Variants in KLF12 observed in about 807,000 individuals in gnomAD.
The protein encoded by KLF12 is Krueppel-like factor 12.
KLF12 carries 9 observed loss-of-function variants against 37.8 expected under a neutral mutation model. The ratio of observed to expected loss-of-function variants is 0.24; its 90% confidence interval spans 0.14 to 0.42. The LOEUF (loss-of-function observed/expected upper bound fraction) is 0.42, where lower values mean the gene tolerates loss of function less well. KLF12 is among the 10% of genes least tolerant of loss of function. The probability of loss-of-function intolerance (pLI) is 1.00; values close to 1 mark genes in which losing one functional copy is unlikely to be tolerated. For synonymous variants in KLF12, 208 were observed against 202.1 expected (o/e 1.03, Z -0.25); for missense variants, 411 against 516.0 (o/e 0.80, Z 1.97).
intron 2 of KLF12, among the ~76,000 whole-genome samples, chr13:73,962,377 A>T (rs1179349391): frequency 6.6e-6 from 1 of 152,184 alleles, no homozygotes; most frequent in Non-Finnish European, 1.5e-5. Flanking sequence ...TAGAACAATA[A>T]AACTATTTTT....
At chr13:73,868,905 T>C (rs1566428216) in intron 3 of KLF12, among the ~76,000 whole-genome samples, 1 of 152,200 alleles carries the variant, frequency 6.6e-6, no homozygotes, top group Non-Finnish European at 1.5e-5. Flanking sequence ...AAAACCTGCC[T>C]AAATTTACAA....
intron 1 of KLF12, among the ~76,000 whole-genome samples, chr13:74,024,916 A>G (rs1397211613): frequency 1.3e-5 from 2 of 152,106 alleles, no homozygotes; most frequent in South Asian, 2.1e-4. Flanking sequence ...TCAAACTTTA[A>G]CCACCCACTG....
the KLF12 span, among the ~76,000 whole-genome samples, chr13:74,236,020 G>T: frequency 6.7e-6 from 1 of 148,614 alleles, no homozygotes; most frequent in African/African-American, 2.5e-5. Context: ...ATGTATACAT[G>T]TGCCATGCTG....
intron 1 of KLF12, among the ~76,000 whole-genome samples, chr13:74,003,566 C>T (rs1203921153): frequency 6.6e-6 from 1 of 152,088 alleles, no homozygotes; most frequent in Non-Finnish European, 1.5e-5. Context: ...ATTAGGCATG[C>T]TAAGTCAGGA....
At chr13:73,975,535 T>C (rs756569207) in intron 2 of KLF12, among the ~76,000 whole-genome samples, 1 of 152,240 alleles carries the variant, frequency 6.6e-6, no homozygotes, top group Non-Finnish European at 1.5e-5. Flanking sequence ...TCTCTTGTCC[T>C]ACTTTATTTC....
At chr13:73,836,750 T>C (rs978468392) in intron 4 of KLF12, among the ~76,000 whole-genome samples, 7 of 152,190 alleles carry the variant, frequency 4.6e-5, no homozygotes, top group South Asian at 2.1e-4. Flanking sequence ...CAAAATCCAA[T>C]ATGTAACATT....
Position 73,846,240 on chromosome 13 carries a change from A to C in KLF12, c.257T>G (p.Ile86Arg), listed in dbSNP as rs776166386. The C allele has an allele frequency of 1.2e-6, 2 of 1,614,140 alleles. No individual in the cohort carries two copies. Among genetic ancestry groups the C allele is most frequent in the Admixed American group, 1.7e-5 (1 of 60,016 alleles). Reference sequence around the variant, plus strand: ...AGTAGGGGACGTCCTGGCTTTGTTTATTGACAAGTCCACTGGCTCAGTTTG... The same window carrying C: ...AGTAGGGGACGTCCTGGCTTTGTTTCTTGACAAGTCCACTGGCTCAGTTTG... The change falls in exon 4 of 8, where the codon ATA becomes AGA. Residue 86 changes from isoleucine (I) to arginine (R), a missense_variant. This residue lies in a region of KLF12 where 351 missense variants were observed against 397.8 expected (regional missense o/e 0.88). Transcript: ENST00000377669.
At chr13:73,739,543 G>T (rs1877798397) in intron 6 of KLF12, among the ~76,000 whole-genome samples, 1 of 152,056 alleles carries the variant, frequency 6.6e-6, no homozygotes, top group African/African-American at 2.4e-5. Flanking sequence ...AAAAATTAAT[G>T]AGTATTATAT....
At chr13:74,261,866 G>T in the KLF12 span, among the ~76,000 whole-genome samples, 3 of 152,312 alleles carry the variant, frequency 2.0e-5, no homozygotes, top group East Asian at 5.8e-4. Context: ...CTTGCCAAAT[G>T]TTCTTGTATG....
chr13:73,748,700 A>G (rs1485229916), intron 6 of KLF12, among the ~76,000 whole-genome samples: 2 of 152,178 alleles, frequency 1.3e-5, no homozygotes, highest in Non-Finnish European at 2.9e-5. Flanking sequence ...AGGCCAAGTT[A>G]TGCCAAATAC....
intron 2 of KLF12, among the ~76,000 whole-genome samples, chr13:73,972,385 T>C (rs576321507): frequency 6.6e-6 from 1 of 152,104 alleles, no homozygotes; most frequent in Non-Finnish European, 1.5e-5. Flanking sequence ...TTAATAAAAT[T>C]ATCAATACAA....
the KLF12 span, among the ~76,000 whole-genome samples, chr13:74,237,751 G>A: frequency 2.0e-5 from 3 of 152,084 alleles, no homozygotes; most frequent in Admixed American, 6.5e-5. Context: ...TTTGTCTGTT[G>A]GTGTATAAGA....
At chr13:73,811,081 G>A (rs1393113473) in intron 5 of KLF12, among the ~76,000 whole-genome samples, 1 of 140,660 alleles carries the variant, frequency 7.1e-6, no homozygotes, top group Non-Finnish European at 1.5e-5. Context: ...TCCCTACTGG[G>A]TTCAAGTGAT....
At chr13:74,224,039 G>C in the KLF12 span, among the ~76,000 whole-genome samples, 1 of 152,092 alleles carries the variant, frequency 6.6e-6, no homozygotes. Flanking sequence ...CTCCTATTGT[G>C]TATTTCCCCT....
chr13:73,691,314 T>C lies in KLF12; in HGVS notation c.*4176A>G, dbSNP rs1268839489. On this transcript the variant is annotated 3_prime_UTR_variant, in exon 8 of 8. Transcript: ENST00000377669. The stretch of plus-strand genomic sequence containing the variant: ...CTTTCTAAACTAAAGCCAAATCTAA[T>C]TGAAGAGACTTTTTTAATGGGATGC... 1 of 152,600 alleles carries C rather than the reference T, an allele frequency of 6.6e-6. No individual in the cohort carries two copies. The highest frequency in any genetic ancestry group is 1.5e-5 in the Non-Finnish European group (1 of 68,032). 9.5% of individuals were successfully genotyped at this position (152,600 alleles called of 1,614,324 possible). A position where few individuals can be genotyped will look rare whatever the true frequency, so the allele number is the denominator to read the frequency against.
intron 6 of KLF12, among the ~76,000 whole-genome samples, chr13:73,748,480 C>T (rs549120946): frequency 1.3e-5 from 2 of 151,936 alleles, no homozygotes; most frequent in Non-Finnish European, 2.9e-5. Flanking sequence ...GATTAGTGTA[C>T]TTTTATAAGA....
intron 1 of KLF12, among the ~76,000 whole-genome samples, chr13:74,007,169 T>C (rs1892429214): frequency 6.6e-6 from 1 of 151,756 alleles, no homozygotes; most frequent in African/African-American, 2.4e-5. Flanking sequence ...AATTTGTAAA[T>C]AGGACTGCCT....
chr13:74,158,227 AC>A, the KLF12 span, among the ~76,000 whole-genome samples: 2 of 152,140 alleles, frequency 1.3e-5, no homozygotes, highest in Non-Finnish European at 2.9e-5. Flanking sequence ...CGTGGGCTGG[AC>A]TGTGAGTGAA....
At chr13:73,848,848 A>G (rs957144802) in intron 3 of KLF12, among the ~76,000 whole-genome samples, 5 of 152,142 alleles carry the variant, frequency 3.3e-5, no homozygotes, top group African/African-American at 1.2e-4. Context: ...GTAAAATCAC[A>G]GAGACAGACG....
Sources: gnomAD v4.1 joint callset for allele counts (sites outside exome capture counted in the v4.1 genomes callset) on GRCh38, gnomAD v4.1.1 for gene constraint, gnomAD v4.1.1 regional missense constraint, MANE v1.5 for transcripts, NCBI Gene and HGNC (gene_info 2026-07-23, HGNC 2026-07-21) for gene names.